The following ST6GALNAC3 variants were observed in gnomAD, a reference collection of about 807,000 sequenced individuals.
ST6GALNAC3 encodes alpha-N-acetylgalactosaminide alpha-2,6-sialyltransferase 3.
A neutral mutation model predicts 32.7 loss-of-function variants in ST6GALNAC3; 25 were observed. The observed-to-expected ratio is 0.76, with a 90% CI of 0.56 to 1.07. The LOEUF (loss-of-function observed/expected upper bound fraction) is 1.07. Among genes scored for constraint, ST6GALNAC3 ranks in the 50% least tolerant of loss-of-function variants. The pLI is 0.00. For synonymous variants in ST6GALNAC3, 129 were observed against 133.1 expected (o/e 0.97, Z 0.21); for missense variants, 355 against 382.4 (o/e 0.93, Z 0.60).
chr1:76,601,308 ATTT>A (rs1181245498), intron 3 of ST6GALNAC3, among the ~76,000 whole-genome samples: 1 of 152,260 alleles, frequency 6.6e-6, no homozygotes, highest in African/African-American at 2.4e-5. Flanking sequence ...ATTTTCTAGT[ATTT>A]TTTGGAATGT....
At chr1:76,548,962 T>C (rs1459522326) in intron 3 of ST6GALNAC3, among the ~76,000 whole-genome samples, 1 of 152,142 alleles carries the variant, frequency 6.6e-6, no homozygotes, top group Non-Finnish European at 1.5e-5. Context: ...ATAAACATGG[T>C]TTGATTTGTA....
At position 76,460,007 on chromosome 1, in the gene ST6GALNAC3, G is replaced by A. The variant is rs75511011; in HGVS notation, c.623+47590G>A. 6.2e-3 allele frequency among the ~76,000 whole-genome samples: 937 copies of A among 152,264 alleles called. 10 individuals carry two copies. Among genetic ancestry groups the A allele is most frequent in the African/African-American group, 0.022 (905 of 41,546 alleles). ...TCAGTTCTTTTGGGAATACTTAGGAGTAGAATTGATGGATACAGTAAGTCT... is the reference window on the plus strand; with the variant it reads ...TCAGTTCTTTTGGGAATACTTAGGAATAGAATTGATGGATACAGTAAGTCT... On this transcript the variant is annotated intron_variant, in intron 3 of 4. Transcript: ENST00000328299.
chr1:76,234,848 G>A (rs1467588780), intron 1 of ST6GALNAC3, among the ~76,000 whole-genome samples: 1 of 152,148 alleles, frequency 6.6e-6, no homozygotes, highest in East Asian at 1.9e-4. Context: ...AAGAATACAA[G>A]CAATAATAGC....
intron 2 of ST6GALNAC3, among the ~76,000 whole-genome samples, chr1:76,329,916 C>A (rs1647156935): frequency 6.6e-6 from 1 of 151,994 alleles, no homozygotes; most frequent in Non-Finnish European, 1.5e-5. Flanking sequence ...TCAGGTGATT[C>A]TCCTGCCTCA....
rs762227546 is a variant in ST6GALNAC3 at position 76,277,611 on chromosome 1, T to TATATAC, written c.19-36193_19-36192insTATACA. 7.4e-4 allele frequency among the ~76,000 whole-genome samples: 38 copies of TATATAC among 51,148 alleles called. No individual in the cohort carries two copies. The East Asian group carries it at 0.053, about 71-fold the overall frequency. 33.6% of individuals were successfully genotyped at this position (51,148 alleles called of 152,430 possible). ...ATGTGTATATATATATATATATATA[T>TATATAC]ACACACACACACACACACACACACA... On this transcript the variant is annotated intron_variant, in intron 1 of 4. Coordinates refer to ENST00000328299, the MANE Select transcript of ST6GALNAC3 (RefSeq NM_152996.4).
At chr1:76,618,965 G>T (rs1455565289) in intron 3 of ST6GALNAC3, among the ~76,000 whole-genome samples, 1 of 152,148 alleles carries the variant, frequency 6.6e-6, no homozygotes, top group Non-Finnish European at 1.5e-5. Flanking sequence ...GAGAAAATCT[G>T]TGGTCACTGA....
intron 2 of ST6GALNAC3, among the ~76,000 whole-genome samples, 192 bp downstream of exon 2, chr1:76,314,191 C>T (rs1192940497): frequency 6.6e-6 from 1 of 152,058 alleles, no homozygotes; most frequent in African/African-American, 2.4e-5. Context: ...GCCACCCCTC[C>T]TACATTAAAT....
chr1:76,528,064 C>G (rs1663024994), intron 3 of ST6GALNAC3, among the ~76,000 whole-genome samples: 1 of 152,130 alleles, frequency 6.6e-6, no homozygotes, highest in South Asian at 2.1e-4. Context: ...TGTGTTAACA[C>G]AGACCACAAC....
At position 76,346,057 on chromosome 1, in the gene ST6GALNAC3, C is replaced by T. The variant is rs567383981; in HGVS notation, c.213+32058C>T. On this transcript the variant is annotated intron_variant, in intron 2 of 4. Coordinates refer to ENST00000328299, the MANE Select transcript of ST6GALNAC3 (RefSeq NM_152996.4). ...CTCTTCCTCCTGCTAGCTACTCCCCCACTTTGCTTTAATTTTCTCCATACT... is the reference window on the plus strand; with the variant it reads ...CTCTTCCTCCTGCTAGCTACTCCCCTACTTTGCTTTAATTTTCTCCATACT... Among the ~76,000 whole-genome samples the T allele has an allele frequency of 1.1e-4, 16 of 152,182 alleles. No homozygotes were observed. The East Asian group carries it at 2.9e-3, about 28-fold the overall frequency.
At chr1:76,385,657 T>C (rs1328398128) in intron 2 of ST6GALNAC3, among the ~76,000 whole-genome samples, 1 of 152,126 alleles carries the variant, frequency 6.6e-6, no homozygotes, top group Non-Finnish European at 1.5e-5. Context: ...TCATTCCTTA[T>C]ATTTGTTTTA....
intron 1 of ST6GALNAC3, among the ~76,000 whole-genome samples, chr1:76,125,670 C>A (rs990153746): frequency 6.6e-6 from 1 of 152,232 alleles, no homozygotes; most frequent in Non-Finnish European, 1.5e-5. Context: ...TGTTTCCCAT[C>A]AGCAGACAGC....
intron 1 of ST6GALNAC3, among the ~76,000 whole-genome samples, chr1:76,306,652 C>A (rs943296353): frequency 1.3e-4 from 18 of 139,726 alleles, no homozygotes; most frequent in African/African-American, 4.7e-4. Context: ...TTCTGAGGAA[C>A]TTTTTTCCCA....
intron 1 of ST6GALNAC3, among the ~76,000 whole-genome samples, chr1:76,189,182 C>G (rs974559104): frequency 3.3e-5 from 5 of 152,204 alleles, no homozygotes; most frequent in Non-Finnish European, 7.3e-5. Context: ...CCCTGCAGGG[C>G]TGTATGGTCT....
intron 3 of ST6GALNAC3, among the ~76,000 whole-genome samples, chr1:76,524,031 C>T (rs958544522): frequency 6.6e-6 from 1 of 152,092 alleles, no homozygotes; most frequent in East Asian, 1.9e-4. Context: ...CTCTCTAATA[C>T]TTATTATCTA....
chr1:76,133,883 CAAG>C (rs1390163383), intron 1 of ST6GALNAC3, among the ~76,000 whole-genome samples: 4 of 152,132 alleles, frequency 2.6e-5, no homozygotes, highest in African/African-American at 9.7e-5. Flanking sequence ...TACAGAATGA[CAAG>C]AAGATGAGCC....
intron 2 of ST6GALNAC3, among the ~76,000 whole-genome samples, chr1:76,378,029 G>C (rs960644468): frequency 6.6e-6 from 1 of 152,086 alleles, no homozygotes; most frequent in Non-Finnish European, 1.5e-5. Flanking sequence ...TTCCACTAAG[G>C]ATAGATTTCA....
At chr1:76,520,544 C>T (rs2101787727) in intron 3 of ST6GALNAC3, among the ~76,000 whole-genome samples, 1 of 152,172 alleles carries the variant, frequency 6.6e-6, no homozygotes, top group South Asian at 2.1e-4. Context: ...TTTTCTACTT[C>T]TAGCCTTCAC....
At chr1:76,211,441 TACCCAAAGGATTATAAA>T (rs1655152644) in intron 1 of ST6GALNAC3, among the ~76,000 whole-genome samples, 1 of 152,206 alleles carries the variant, frequency 6.6e-6, no homozygotes, top group African/African-American at 2.4e-5. Flanking sequence ...ACTGGGTATA[TACCCAAAGGATTATAAA>T]ACATGCTTCT....
chr1:76,425,673 T>C (rs1655329268), intron 3 of ST6GALNAC3, among the ~76,000 whole-genome samples: 1 of 152,118 alleles, frequency 6.6e-6, no homozygotes, highest in East Asian at 1.9e-4. Flanking sequence ...TTCATCAGGA[T>C]GTCAGTAGAG....
Sources: gnomAD v4.1 joint callset for allele counts (sites outside exome capture counted in the v4.1 genomes callset) on GRCh38, gnomAD v4.1.1 for gene constraint, MANE v1.5 for transcripts, NCBI Gene and HGNC (gene_info 2026-07-23, HGNC 2026-07-21) for gene names.